Variants in NAV1 observed in about 807,000 individuals in gnomAD.
NAV1 encodes the protein pore membrane and/or filament interacting like protein 3.
In NAV1, 18 loss-of-function variants were observed where a neutral mutation model predicts 175.2. The ratio of observed to expected loss-of-function variants is 0.10; its 90% CI spans 0.07 to 0.15. NAV1 has a LOEUF of 0.15. NAV1 is among the 10% of genes least tolerant of loss of function. The pLI, the probability that NAV1 is intolerant of heterozygous loss-of-function variation, is 1.00. For missense variants in NAV1, 1,731 were observed against 2,436.6 expected (o/e 0.71, Z 6.10); for synonymous variants, 897 against 978.7 (o/e 0.92, Z 1.56).
intron 1 of NAV1, among the ~76,000 whole-genome samples, chr1:201,665,259 C>T (rs1569404): frequency 0.25 from 37,188 of 151,498 alleles, 5,180 homozygotes; most frequent in East Asian, 0.39. Flanking sequence ...CGGCCACTCC[C>T]GCAGATCTGC....
At chr1:201,712,735 T>C in intron 1 of NAV1, 82 bp from the exon 6 acceptor site, 1 of 955,224 alleles carries the variant, frequency 1.0e-6, no homozygotes, top group Non-Finnish European at 1.7e-6. Context: ...CTGGGGACAC[T>C]GTCAATCTCC....
intron 1 of NAV1, among the ~76,000 whole-genome samples, chr1:201,668,874 C>T (rs1376868834): frequency 6.6e-6 from 1 of 152,166 alleles, no homozygotes; most frequent in Non-Finnish European, 1.5e-5. Flanking sequence ...ACTCCTGCAG[C>T]TTGCTTCCTT....
chr1:201,632,012 T>A (rs1448760579), intron 2 of NAV1, among the ~76,000 whole-genome samples: 1 of 152,166 alleles, frequency 6.6e-6, no homozygotes, highest in Non-Finnish European at 1.5e-5. Context: ...TCTATCAGCC[T>A]GTTTCTTCTC....
rs768659799 is a variant in NAV1 at position 201,629,493 on chromosome 1, G to C, written c.-11G>C. ...GAGCCCCTCCATGAGACTGAGGAGAGCTTCTCCTGCATGGGTAAGTGATCT... is the reference window on the plus strand; with the variant it reads ...GAGCCCCTCCATGAGACTGAGGAGACCTTCTCCTGCATGGGTAAGTGATCT... On this transcript the variant is annotated 5_prime_UTR_variant, in exon 2 of 30. Coordinates refer to the NAV1 transcript ENST00000367302. 7.7e-6 allele frequency: 10 copies of C among 1,303,988 alleles called. No homozygotes were observed. The South Asian group carries it at 1.2e-4, about 16-fold the overall frequency. The allele number at this position is 1,303,988 out of a possible 1,614,324, so 80.8% of individuals were successfully genotyped here.
At chr1:201,708,921 G>A (rs935122355) in intron 1 of NAV1, among the ~76,000 whole-genome samples, 14 of 152,270 alleles carry the variant, frequency 9.2e-5, no homozygotes, top group African/African-American at 3.4e-4. Context: ...GGCTGAGTCA[G>A]AAGGATAGCT....
At chr1:201,770,181 T>C (rs1291943333) in intron 3 of NAV1, among the ~76,000 whole-genome samples, 2 of 152,192 alleles carry the variant, frequency 1.3e-5, no homozygotes, top group Non-Finnish European at 2.9e-5. Context: ...TACGTTAGTG[T>C]TGGTGCTTTT....
chr1:201,588,119 G>A (rs963235729), intron 1 of NAV1, among the ~76,000 whole-genome samples: 2 of 152,132 alleles, frequency 1.3e-5, no homozygotes, highest in African/African-American at 2.4e-5. Flanking sequence ...GTACACAAAT[G>A]TTCATAGCAG....
chr1:201,614,448 T>G (rs1667943930), intron 2 of NAV1, among the ~76,000 whole-genome samples: 1 of 152,176 alleles, frequency 6.6e-6, no homozygotes, highest in African/African-American at 2.4e-5. Context: ...ACTGGCCAGT[T>G]CTCCAGACCG....
In NAV1 at chr1:201,595,579, C is replaced by T. The variant is rs578080807; in HGVS notation, c.-33+6930C>T. Among the ~76,000 whole-genome samples, 4 of 152,288 alleles carry T rather than the reference C, an allele frequency of 2.6e-5. No individual in the cohort carries two copies. In the South Asian group the frequency reaches 6.2e-4, roughly 24 times the overall value. On this transcript the variant is annotated intron_variant, in intron 2 of 33. Coordinates refer to the NAV1 transcript ENST00000685211. ...GGCCATACCAGGTTTCTGATCAATC[C>T]GAGGCAGGGACTGGGGGCATAGTGG...
At chr1:201,692,695 G>A (rs934265881) in intron 1 of NAV1, among the ~76,000 whole-genome samples, 1 of 152,248 alleles carries the variant, frequency 6.6e-6, no homozygotes, top group Non-Finnish European at 1.5e-5. Context: ...ACACGGCATG[G>A]AACAGGGCTA....
At chr1:201,685,188 G>A (rs1021760248) in intron 1 of NAV1, among the ~76,000 whole-genome samples, 16 of 151,340 alleles carry the variant, frequency 1.1e-4, no homozygotes, top group East Asian at 5.9e-4. Context: ...TTCAGTGAGC[G>A]GTGATCACGC....
intron 8 of NAV1, among the ~76,000 whole-genome samples, 160 bp downstream of exon 12, chr1:201,785,511 C>G (rs1456659730): frequency 1.3e-5 from 2 of 152,078 alleles, no homozygotes; most frequent in Non-Finnish European, 2.9e-5. Context: ...AGTACCTTGC[C>G]CAAGCTTAAT....
At chr1:201,591,749 C>A (rs574964317) in intron 2 of NAV1, among the ~76,000 whole-genome samples, 2 of 152,168 alleles carry the variant, frequency 1.3e-5, no homozygotes, top group Admixed American at 1.3e-4. Flanking sequence ...TCCCTCTCAG[C>A]GGCATTGTCC....
At position 201,687,875 on chromosome 1, in the gene NAV1, T is replaced by C. The variant is rs546267465; in HGVS notation, c.758-24942T>C. Reference sequence around the variant, plus strand: ...AGGCCCTCCCTCAGATGGGGGAAGATGGGGAATCAAAGGTTCTCATTTTCC... The same window carrying C: ...AGGCCCTCCCTCAGATGGGGGAAGACGGGGAATCAAAGGTTCTCATTTTCC... On this transcript the variant is annotated intron_variant, in intron 1 of 29. Transcript: ENST00000367296. 2.8e-4 allele frequency among the ~76,000 whole-genome samples: 43 copies of C among 152,260 alleles called. No homozygotes were observed. In the South Asian group the frequency reaches 8.7e-3, roughly 31 times the overall value.
intron 3 of NAV1, among the ~76,000 whole-genome samples, chr1:201,758,637 T>C (rs1025270639): frequency 3.3e-5 from 5 of 152,190 alleles, no homozygotes; most frequent in African/African-American, 1.2e-4. Flanking sequence ...GACTACCTTT[T>C]TGTGCAAAGA....
chr1:201,732,608 C>A (rs1023538722), intron 3 of NAV1, among the ~76,000 whole-genome samples: 2 of 152,198 alleles, frequency 1.3e-5, no homozygotes, highest in Non-Finnish European at 2.9e-5. Context: ...CTACTCACTA[C>A]CTATGTGCAT....
chr1:201,635,457 G>C (rs1441166784), intron 2 of NAV1, among the ~76,000 whole-genome samples: 1 of 152,188 alleles, frequency 6.6e-6, no homozygotes, highest in East Asian at 1.9e-4. Context: ...GGCCCTTTAT[G>C]ATGTAGCCTA....
intron 1 of NAV1, among the ~76,000 whole-genome samples, chr1:201,680,182 G>A (rs554476307): frequency 5.9e-5 from 9 of 152,140 alleles, no homozygotes; most frequent in Non-Finnish European, 1.3e-4. Context: ...TGTGTCACAC[G>A]GCAAGAGAGA....
chr1:201,668,332 C>T (rs1247990489), intron 1 of NAV1, among the ~76,000 whole-genome samples: 1 of 152,166 alleles, frequency 6.6e-6, no homozygotes, highest in Admixed American at 6.5e-5. Flanking sequence ...AGCTTTGCTT[C>T]CACACCTCTT....
Sources: gnomAD v4.1 joint callset for allele counts (sites outside exome capture counted in the v4.1 genomes callset) on GRCh38, gnomAD v4.1.1 for gene constraint, MANE v1.5 for transcripts, NCBI Gene and HGNC (gene_info 2026-07-23, HGNC 2026-07-21) for gene names.